UBN1: variants seen among roughly 807,000 people sequenced by gnomAD.
UBN1 encodes ubinuclein 1.
In UBN1, 17 loss-of-function variants were observed where a neutral mutation model predicts 108.5. The observed-to-expected ratio is 0.16, with a 90% CI of 0.11 to 0.24. The LOEUF is 0.24. Among genes scored for constraint, UBN1 ranks in the 10% least tolerant of loss-of-function variants. The pLI is 1.00. For missense variants in UBN1, 1,595 were observed against 1,394.4 expected, an observed-to-expected ratio of 1.14 and a Z score of -2.29; for synonymous variants, 726 against 564.2, an observed-to-expected ratio of 1.29 and a Z score of -4.07.
At position 4,870,558 on chromosome 16, in the gene UBN1, A is replaced by G. The variant is rs771935769; in HGVS notation, c.1354A>G (p.Ile452Val). ...GCCTCTCCAGAAGCTCAAGGAAGCCATTGGCAGGGCGATGCCAGAGCAGAT... is the reference window on the plus strand; with the variant it reads ...GCCTCTCCAGAAGCTCAAGGAAGCCGTTGGCAGGGCGATGCCAGAGCAGAT... ...KEPLQKLKEA[I>V]GRAMPEQMAK... Residue 452 changes from isoleucine (I) to valine (V), a missense_variant, in exon 10 of 18, where the codon ATT becomes GTT. Physicochemically the swap from Ile to Val is conservative, Grantham distance 29. Around this residue, in one of 3 missense-constraint regions of UBN1, gnomAD observed 1,398 missense variants for 1,194.7 expected, o/e 1.17. Transcript: ENST00000262376. The G allele has an allele frequency of 1.1e-5, 17 of 1,614,262 alleles. No homozygotes were observed. In the South Asian group the frequency reaches 1.9e-4, roughly 18 times the overall value.
chr16:4,851,264 A>G (rs1046097963), intron 1 of UBN1, among the ~76,000 whole-genome samples: 1 of 152,226 alleles, frequency 6.6e-6, no homozygotes, highest in African/African-American at 2.4e-5. Flanking sequence ...CAGGAGTTCA[A>G]AACCAGTCTG....
intron 2 of UBN1, 129 bp downstream of exon 2, chr16:4,853,295 C>A: frequency 1.5e-6 from 2 of 1,296,496 alleles, no homozygotes; most frequent in Non-Finnish European, 2.1e-6. Flanking sequence ...CTGTCACTCA[C>A]TCAAGGCAAG....
intron 2 of UBN1, among the ~76,000 whole-genome samples, chr16:4,854,879 C>A (rs933082066): frequency 2.6e-5 from 4 of 152,006 alleles, no homozygotes; most frequent in African/African-American, 9.7e-5. Context: ...CCCGCCACCA[C>A]GTCTGGTTAA....
Position 4,870,962 on chromosome 16 carries a change from G to A in UBN1, c.1549G>A (p.Asp517Asn). 1 of 1,614,198 alleles carries A rather than the reference G, an allele frequency of 6.2e-7. No individual in the cohort carries two copies. Among genetic ancestry groups the A allele is most frequent in the Non-Finnish European group, 8.5e-7 (1 of 1,180,030 alleles). The change falls in exon 11 of 18, where the codon GAT (aspartate) becomes AAT (asparagine). Residue 517 changes from aspartate to asparagine, a missense_variant. This residue lies in a region of UBN1 where 1,398 missense variants were observed against 1,194.7 expected (regional missense o/e 1.17). Transcript: ENST00000262376. ...MGPRKKFQWN[D>N]EIRELLCQVV... ...ACCTCGGAAGAAGTTCCAATGGAAT[G>A]ATGAGATCAGGTGTGCCCACACTGG...
rs935843138 is a variant in UBN1, at chr16:4,870,983, A to G, written c.1559+11A>G. The G allele has an allele frequency of 6.2e-7, 1 of 1,613,946 alleles. No individual in the cohort carries two copies. Among genetic ancestry groups the G allele is most frequent in the South Asian group, 1.1e-5 (1 of 91,036 alleles). On this transcript the variant is annotated intron_variant, in intron 11 of 17. Coordinates refer to ENST00000262376, the MANE Select transcript of UBN1 (RefSeq NM_001079514.3). ...GAATGATGAGATCAGGTGTGCCCAC[A>G]CTGGGACTTGGCCTCTTTGGAGGGT...
intron 8 of UBN1, among the ~76,000 whole-genome samples, chr16:4,869,119 G>C (rs920859006): frequency 6.6e-6 from 1 of 152,200 alleles, no homozygotes; most frequent in African/African-American, 2.4e-5. Context: ...AGAAGCGATA[G>C]ACCTCCTTGA....
chr16:4,871,442 G>A (rs559914462), intron 12 of UBN1, 141 bp downstream of exon 12: 7 of 1,210,572 alleles, frequency 5.8e-6, no homozygotes, highest in Non-Finnish European at 6.7e-6. Flanking sequence ...AGTAACTGGG[G>A]GACATGCAGG....
At chr16:4,857,543 G>A (rs1312241994) in intron 2 of UBN1, among the ~76,000 whole-genome samples, 3 of 151,818 alleles carry the variant, frequency 2.0e-5, no homozygotes, top group East Asian at 1.9e-4. Context: ...TGGCAGAACG[G>A]CTCTCAAGAA....
intron 10 of UBN1, 45 bp from the exon 11 acceptor site, chr16:4,870,799 G>C (rs755067596): frequency 6.2e-7 from 1 of 1,610,564 alleles, no homozygotes; most frequent in Non-Finnish European, 8.5e-7. Flanking sequence ...AGAGGCGGTG[G>C]GCAGGAGCAC....
intron 1 of UBN1, among the ~76,000 whole-genome samples, chr16:4,848,977 T>C (rs1308157932): frequency 1.3e-5 from 2 of 152,200 alleles, no homozygotes; most frequent in Non-Finnish European, 2.9e-5. Context: ...GGCGCATGCC[T>C]GTAGTCCCAG....
rs139608304 is a variant in UBN1 at position 4,874,891 on chromosome 16, C to G, written c.2481C>G (p.Leu827=). The change falls in exon 15 of 18, where the codon CTC becomes CTG. Residue 827 remains leucine (L), a synonymous_variant. Transcript: ENST00000262376. ...CCCCATCTCCATTTGCCAATAAGCT[C>G]CAAGGCCCAAAGGCTTCTCCCACAC... The part of the protein sequence containing the change: ...FTPPSPFANK[L]QGPKASPTQC... 2 of 1,614,132 alleles carry G rather than the reference C, an allele frequency of 1.2e-6. No individual in the cohort carries two copies. The highest frequency in any genetic ancestry group is 2.2e-5 in the East Asian group (1 of 44,882).
chr16:4,877,454 A>G lies in UBN1; in HGVS notation c.3335A>G (p.His1112Arg), dbSNP rs780483758. 3.1e-6 allele frequency: 5 copies of G among 1,611,424 alleles called. No homozygotes were observed. The highest frequency in any genetic ancestry group is 1.7e-5 in the Admixed American group (1 of 59,908). The change falls in exon 17 of 18, where the codon CAT becomes CGT. Residue 1112 changes from histidine (H) to arginine (R), a missense_variant. Physicochemically the swap from His to Arg is conservative, Grantham distance 29 (BLOSUM62 0). This residue lies in a region of UBN1 where 1,398 missense variants were observed against 1,194.7 expected (regional missense o/e 1.17). Coordinates refer to ENST00000262376, the MANE Select transcript of UBN1 (RefSeq NM_001079514.3). The surrounding 1 kb of genome is among the most constrained non-coding windows in gnomAD (Gnocchi z 4.3). ...CTCCCACACGCTGCGGTGCCCACCC[A>G]TATCCCGCAGAGTCTGCCAGGTAAT... is the stretch of plus-strand genomic sequence containing the variant. ...APLPHAAVPT[H>R]IPQSLPGASQ... is the part of the protein sequence containing the mutation.
intron 7 of UBN1, among the ~76,000 whole-genome samples, chr16:4,863,697 G>A (rs1420774887): frequency 6.6e-6 from 1 of 151,936 alleles, no homozygotes; most frequent in African/African-American, 2.4e-5. Context: ...TTCTATCACT[G>A]TCTGCAAAAC....
Position 4,875,084 on chromosome 16 carries a change from G to T in UBN1, c.2674G>T (p.Val892Phe). Residue 892 changes from valine to phenylalanine, a missense_variant, in exon 15 of 18, where the codon GTC becomes TTC. Physicochemically the swap from Val to Phe is conservative, Grantham distance 50. This residue lies in a region of UBN1 where 1,398 missense variants were observed against 1,194.7 expected (regional missense o/e 1.17). Transcript: ENST00000262376. ...ALSHPAKPHS[V>F]SSAGSSYKNN... ...GAGCCATCCAGCAAAGCCACATTCA[G>T]TCAGCTCTGCAGGCTCATCTTACAA... The T allele has an allele frequency of 6.2e-7, 1 of 1,614,102 alleles. No individual in the cohort carries two copies. The highest frequency in any genetic ancestry group is 1.1e-5 in the South Asian group (1 of 91,086).
chr16:4,869,043 C>G (rs1376805880), intron 8 of UBN1, 140 bp downstream of exon 8: 4 of 782,246 alleles, frequency 5.1e-6, no homozygotes, highest in Non-Finnish European at 7.8e-6. Context: ...ATTGGATTAA[C>G]ATGGTTTCAT....
rs1163425850 is a variant in UBN1 at position 4,847,870 on chromosome 16, C to T, written c.-380C>T. On this transcript the variant is annotated 5_prime_UTR_variant, in exon 1 of 18. Coordinates refer to ENST00000262376, the MANE Select transcript of UBN1 (RefSeq NM_001079514.3). ...CGCCGCCCGTGTTCTTTGGAGCGCTCCTCCCGACGGCCGCTTTCGGAGGCG... is the reference window on the plus strand; with the variant it reads ...CGCCGCCCGTGTTCTTTGGAGCGCTTCTCCCGACGGCCGCTTTCGGAGGCG... 6.6e-6 allele frequency: 1 copy of T among 152,632 alleles called. No individual in the cohort carries two copies. Among genetic ancestry groups the T allele is most frequent in the Non-Finnish European group, 1.5e-5 (1 of 68,372 alleles). The allele number at this position is 152,632 out of a possible 1,614,324, so 9.5% of individuals were successfully genotyped here. A position where few individuals can be genotyped will look rare whatever the true frequency, so the allele number is the denominator to read the frequency against.
At chr16:4,850,654 T>C (rs143387580) in intron 1 of UBN1, among the ~76,000 whole-genome samples, 2 of 152,382 alleles carry the variant, frequency 1.3e-5, no homozygotes, top group Non-Finnish European at 2.9e-5. Context: ...TTTTGCCGCC[T>C]GATTAGAATT....
Position 4,874,566 on chromosome 16 carries a change from C to A in UBN1, c.2156C>A (p.Ala719Glu). 6.2e-7 allele frequency: 1 copy of A among 1,614,198 alleles called. No homozygotes were observed. The highest frequency in any genetic ancestry group is 8.5e-7 in the Non-Finnish European group (1 of 1,180,032). Residue 719 changes from alanine to glutamate, a missense_variant, in exon 15 of 18, where the codon GCG becomes GAG. Ala to Glu is a moderately radical substitution (Grantham distance 107). Transcript: ENST00000262376. The part of the protein sequence containing the change: ...VLCTEEKRNF[A>E]KPSPSAPPPA... Reference sequence around the variant, plus strand: ...TGTACAGAAGAAAAAAGGAACTTTGCGAAGCCTAGTCCTTCTGCTCCACCA... The same window carrying A: ...TGTACAGAAGAAAAAAGGAACTTTGAGAAGCCTAGTCCTTCTGCTCCACCA...
intron 7 of UBN1, among the ~76,000 whole-genome samples, chr16:4,867,608 A>G (rs1204826601): frequency 6.6e-6 from 1 of 152,120 alleles, no homozygotes; most frequent in African/African-American, 2.4e-5. Context: ...TGTCTGTGTT[A>G]TTTTGAAGCC....
Sources: gnomAD v4.1 joint callset for allele counts (sites outside exome capture counted in the v4.1 genomes callset) on GRCh38, gnomAD v4.1.1 for gene constraint, gnomAD v4.1.1 regional missense constraint, Gnocchi (gnomAD v3.1) non-coding constraint, MANE v1.5 for transcripts, NCBI Gene and HGNC (gene_info 2026-07-23, HGNC 2026-07-21) for gene names.